Variants in CORIN observed in about 807,000 individuals in gnomAD.
CORIN encodes corin, serine peptidase, also known as atrial natriuretic peptide-converting enzyme.
In CORIN, 117 loss-of-function variants were observed where a neutral mutation model predicts 125.3. The ratio of observed to expected loss-of-function variants is 0.93; its 90% CI spans 0.80 to 1.09. The LOEUF is 1.09. Ranked by LOEUF, CORIN falls within the 50% of genes least tolerant of loss-of-function variation. CORIN has a pLI of 0.00. For missense variants in CORIN, 1,253 were observed against 1,306.7 expected, an observed-to-expected ratio of 0.96 and a Z score of 0.63; for synonymous variants, 450 against 466.4, an observed-to-expected ratio of 0.96 and a Z score of 0.45.
chr4:47,750,648 G>A (rs1728858018), intron 4 of CORIN, among the ~76,000 whole-genome samples: 1 of 152,166 alleles, frequency 6.6e-6, no homozygotes, highest in Non-Finnish European at 1.5e-5. Flanking sequence ...CTGCTTGATA[G>A]GGGTCGTGGC....
At chr4:47,655,532 G>T (rs954275273) in intron 12 of CORIN, among the ~76,000 whole-genome samples, 1 of 152,104 alleles carries the variant, frequency 6.6e-6, no homozygotes, top group Non-Finnish European at 1.5e-5. Context: ...CTTGTGGTTT[G>T]GTAGTACTTG....
In CORIN at chr4:47,661,858, T is replaced by C; in HGVS notation, c.1590-2A>G. 3.2e-6 allele frequency: 5 copies of C among 1,587,098 alleles called. No homozygotes were observed. Among genetic ancestry groups the C allele is most frequent in the Non-Finnish European group, 4.3e-6 (5 of 1,164,708 alleles). ...TCTTTAGAGTGTTCACACAATGCCC[T>C]AGATGAACAAGAAAGACAAAACATT... On this transcript the variant is annotated splice_acceptor_variant, in intron 11 of 21. Transcript: ENST00000273857. LOFTEE classifies it high-confidence loss of function.
At chr4:47,767,816 A>T (rs1729828397) in intron 3 of CORIN, among the ~76,000 whole-genome samples, 1 of 152,240 alleles carries the variant, frequency 6.6e-6, no homozygotes, top group African/African-American at 2.4e-5. Flanking sequence ...AACAAATTAG[A>T]TAACCTAGAA....
intron 13 of CORIN, among the ~76,000 whole-genome samples, chr4:47,646,336 G>A (rs563529302): frequency 1.4e-4 from 22 of 152,232 alleles, no homozygotes; most frequent in African/African-American, 5.1e-4. Flanking sequence ...AGAGCCAGGT[G>A]CAAAAGCTAT....
At chr4:47,735,541 A>G (rs1728087349) in intron 5 of CORIN, among the ~76,000 whole-genome samples, 1 of 152,330 alleles carries the variant, frequency 6.6e-6, no homozygotes, top group African/African-American at 2.4e-5. Flanking sequence ...AAGATCATCA[A>G]TCTCTTCCAA....
rs545899897 is a variant in CORIN, at chr4:47,667,309, A to C, written c.1358-2046T>G. ...GTCTTTATCAGCAGCGTGAAAACAGACTAACACTCCTTCCAATGATAAATG... is the reference window on the plus strand; with the variant it reads ...GTCTTTATCAGCAGCGTGAAAACAGCCTAACACTCCTTCCAATGATAAATG... On this transcript the variant is annotated intron_variant, in intron 10 of 21. Transcript: ENST00000273857. 2.6e-5 allele frequency among the ~76,000 whole-genome samples: 4 copies of C among 152,250 alleles called. No individual in the cohort carries two copies. The South Asian group carries it at 8.3e-4, about 32-fold the overall frequency.
chr4:47,595,162 A>T lies in CORIN; in HGVS notation c.*559T>A, dbSNP rs1037816976. 2 of 152,232 alleles carry T rather than the reference A, an allele frequency of 1.3e-5. No homozygotes were observed. The highest frequency in any genetic ancestry group is 2.9e-5 in the Non-Finnish European group (2 of 68,046). 9.4% of individuals were successfully genotyped at this position (152,232 alleles called of 1,614,324 possible). A position where few individuals can be genotyped will look rare whatever the true frequency, so the allele number is the denominator to read the frequency against. On this transcript the variant is annotated 3_prime_UTR_variant, in exon 22 of 22. Coordinates refer to ENST00000273857, the MANE Select transcript of CORIN (RefSeq NM_006587.4). The stretch of plus-strand genomic sequence containing the variant: ...ACTGGGTTCAGCACACCAACATGGC[A>T]CATGTATACATATGTAACTAACCTG...
At chr4:47,613,446 C>G (rs1347175659) in intron 19 of CORIN, among the ~76,000 whole-genome samples, 1 of 151,956 alleles carries the variant, frequency 6.6e-6, no homozygotes, top group Admixed American at 6.6e-5. Context: ...GAGCGAGACT[C>G]CGTCTCAAAA....
intron 3 of CORIN, among the ~76,000 whole-genome samples, chr4:47,767,479 C>T (rs931207105): frequency 7.9e-5 from 12 of 151,930 alleles, no homozygotes; most frequent in African/African-American, 1.7e-4. Flanking sequence ...CTGAAAATGT[C>T]GCTCTGAAAA....
chr4:47,821,820 C>G (rs1732527411), intron 1 of CORIN, among the ~76,000 whole-genome samples: 1 of 152,142 alleles, frequency 6.6e-6, no homozygotes, highest in South Asian at 2.1e-4. Context: ...TATGAAAAGA[C>G]AAACCTCCAG....
At chr4:47,609,359 C>A (rs10029782) in intron 19 of CORIN, among the ~76,000 whole-genome samples, 40,727 of 151,848 alleles carry the variant, frequency 0.27, 5,553 homozygotes, top group Admixed American at 0.35. Context: ...CCTGCCTCAG[C>A]CTCCTAAGTA....
At chr4:47,715,981 A>G (rs890238914) in intron 5 of CORIN, among the ~76,000 whole-genome samples, 3 of 152,190 alleles carry the variant, frequency 2.0e-5, no homozygotes, top group African/African-American at 7.2e-5. Flanking sequence ...TCCCTAAGAG[A>G]AAGGGAAGTA....
intron 2 of CORIN, among the ~76,000 whole-genome samples, chr4:47,794,148 G>T (rs1241917337): frequency 6.6e-6 from 1 of 152,160 alleles, no homozygotes; most frequent in Non-Finnish European, 1.5e-5. Context: ...TAAATTTTGG[G>T]TGTGAAGAAA....
At position 47,641,919 on chromosome 4, in the gene CORIN, C is replaced by T. The variant is rs758232899; in HGVS notation, c.2198+1G>A. ...TCAGTGCTACAAACTACTGACCTTA[C>T]CCTAAACCCATCTGCTTGCAGGCCA... On this transcript the variant is annotated splice_donor_variant, in intron 16 of 21. Coordinates refer to ENST00000273857, the MANE Select transcript of CORIN (RefSeq NM_006587.4). LOFTEE classifies it high-confidence loss of function. The T allele has an allele frequency of 6.2e-7, 1 of 1,612,922 alleles. No individual in the cohort carries two copies. The highest frequency in any genetic ancestry group is 8.5e-7 in the Non-Finnish European group (1 of 1,179,260).
At chr4:47,728,772 G>C (rs1013719288) in intron 5 of CORIN, among the ~76,000 whole-genome samples, 5 of 152,164 alleles carry the variant, frequency 3.3e-5, no homozygotes, top group Non-Finnish European at 7.4e-5. Flanking sequence ...AAATGAAGAT[G>C]GTCTTGGTCT....
intron 19 of CORIN, among the ~76,000 whole-genome samples, chr4:47,605,171 C>T (rs1334836222): frequency 6.6e-6 from 1 of 152,194 alleles, no homozygotes; most frequent in African/African-American, 2.4e-5. Flanking sequence ...GCCCCCTTCA[C>T]TCTACTTGAC....
intron 3 of CORIN, among the ~76,000 whole-genome samples, chr4:47,773,213 A>C (rs1249640927): frequency 3.3e-5 from 5 of 152,204 alleles, no homozygotes; most frequent in Non-Finnish European, 7.3e-5. Flanking sequence ...CAGTGGTAAA[A>C]ATAAATTCTA....
At chr4:47,671,518 C>T (rs1724757702) in intron 10 of CORIN, among the ~76,000 whole-genome samples, 1 of 152,180 alleles carries the variant, frequency 6.6e-6, no homozygotes, top group Non-Finnish European at 1.5e-5. Context: ...TCTTGAAGTT[C>T]TTTGAAAGAT....
intron 5 of CORIN, among the ~76,000 whole-genome samples, chr4:47,733,508 G>A (rs1310134950): frequency 3.9e-5 from 6 of 152,294 alleles, no homozygotes; most frequent in East Asian, 1.9e-4. Flanking sequence ...AGCAAATAAG[G>A]TGCTATGAAA....
Sources: gnomAD v4.1 joint callset for allele counts (sites outside exome capture counted in the v4.1 genomes callset) on GRCh38, gnomAD v4.1.1 for gene constraint, MANE v1.5 for transcripts, NCBI Gene and HGNC (gene_info 2026-07-23, HGNC 2026-07-21) for gene names.